Variants in THSD7A observed in about 807,000 individuals in gnomAD.
THSD7A encodes the protein thrombospondin type-1 domain-containing protein 7A.
Under a neutral mutation model 231.3 loss-of-function variants are expected in THSD7A, and 96 were observed. The ratio of observed to expected loss-of-function variants is 0.41; its 90% CI spans 0.35 to 0.49. The LOEUF (loss-of-function observed/expected upper bound fraction) is 0.49, where lower values mean the gene tolerates loss of function less well. Ranked by LOEUF, THSD7A falls within the 20% of genes least tolerant of loss-of-function variation. The pLI, the probability that THSD7A is intolerant of heterozygous loss-of-function variation, is 0.05. For missense variants in THSD7A, 2,290 were observed against 2,070.2 expected (o/e 1.11, Z -2.06); for synonymous variants, 940 against 743.3 (o/e 1.26, Z -4.30).
At chr7:11,398,379 C>T (rs1466945934) in intron 23 of THSD7A, among the ~76,000 whole-genome samples, 1 of 151,818 alleles carries the variant, frequency 6.6e-6, no homozygotes, top group African/African-American at 2.4e-5. Context: ...CACACTGGGG[C>T]CTGTCGAGGG....
At chr7:11,692,821 A>G (rs1322928588) in intron 1 of THSD7A, among the ~76,000 whole-genome samples, 3 of 151,578 alleles carry the variant, frequency 2.0e-5, no homozygotes, top group Admixed American at 1.3e-4. Flanking sequence ...CTTACTAAAA[A>G]TAATAATTAT....
chr7:11,540,497 C>T (rs1047057832), intron 6 of THSD7A, among the ~76,000 whole-genome samples: 1 of 152,228 alleles, frequency 6.6e-6, no homozygotes, highest in Admixed American at 6.5e-5. Context: ...GGTGTTTCTG[C>T]ACATGCTGTA....
intron 1 of THSD7A, among the ~76,000 whole-genome samples, chr7:11,639,675 AT>A (rs1392823274): frequency 6.8e-6 from 1 of 146,444 alleles, no homozygotes; most frequent in South Asian, 2.1e-4. Context: ...CTCAAAAAAA[AT>A]AATAATAATA....
chr7:11,603,984 T>A (rs1780648331), intron 2 of THSD7A, among the ~76,000 whole-genome samples: 1 of 151,052 alleles, frequency 6.6e-6, no homozygotes, highest in Non-Finnish European at 1.5e-5. Context: ...CATATGTAAC[T>A]AATCTGCACA....
intron 23 of THSD7A, among the ~76,000 whole-genome samples, chr7:11,388,373 C>A (rs1562568642): frequency 6.6e-6 from 1 of 151,500 alleles, no homozygotes; most frequent in Non-Finnish European, 1.5e-5. Flanking sequence ...AATTTTAGAA[C>A]TTGTCGTCTA....
chr7:11,638,540 T>C (rs138412083), intron 1 of THSD7A, among the ~76,000 whole-genome samples: 14 of 152,326 alleles, frequency 9.2e-5, no homozygotes, highest in Middle Eastern at 3.4e-3. Flanking sequence ...GAGTTGTAAA[T>C]AGAATAGAGA....
Position 11,551,151 on chromosome 7 carries a change from T to C in THSD7A, c.1454-8034A>G, listed in dbSNP as rs890959530. Among the ~76,000 whole-genome samples, 6 of 151,992 alleles carry C rather than the reference T, an allele frequency of 3.9e-5. No individual in the cohort carries two copies. In the East Asian group the frequency reaches 1.2e-3, roughly 29 times the overall value. On this transcript the variant is annotated intron_variant, in intron 4 of 27. Coordinates refer to ENST00000423059, the MANE Select transcript of THSD7A (RefSeq NM_015204.3). Reference sequence around the variant, plus strand: ...TAACTGGCTAGTCATATGCTGAAAATTGAAACTCTACCCCTTCCTTTCACC... The same window carrying C: ...TAACTGGCTAGTCATATGCTGAAAACTGAAACTCTACCCCTTCCTTTCACC...
At chr7:11,431,947 A>C (rs931591501) in intron 13 of THSD7A, among the ~76,000 whole-genome samples, 2 of 152,112 alleles carry the variant, frequency 1.3e-5, no homozygotes. Context: ...TTTAAAAAGA[A>C]CCTACCAACA....
intron 1 of THSD7A, among the ~76,000 whole-genome samples, chr7:11,704,394 T>TCATGTAGAAGGTATAATTTAAGTGA (rs1780697575): frequency 6.6e-6 from 1 of 150,848 alleles, no homozygotes; most frequent in African/African-American, 2.4e-5. Flanking sequence ...TCTTCCTGAG[T>TCATGTAGAAGGTATAATTTAAGTGA]CATGTAGAAG....
intron 1 of THSD7A, among the ~76,000 whole-genome samples, chr7:11,779,002 G>A (rs1418679536): frequency 6.6e-6 from 1 of 151,934 alleles, no homozygotes; most frequent in Non-Finnish European, 1.5e-5. Flanking sequence ...AACATAATTG[G>A]TATCATTAAC....
At chr7:11,537,367 C>A (rs112151909) in intron 6 of THSD7A, among the ~76,000 whole-genome samples, 1 of 152,138 alleles carries the variant, frequency 6.6e-6, no homozygotes, top group Non-Finnish European at 1.5e-5. Context: ...TTGGAGGTGG[C>A]GTCTGGTGGG....
At chr7:11,480,089 G>A (rs1786360504) in intron 7 of THSD7A, among the ~76,000 whole-genome samples, 1 of 152,054 alleles carries the variant, frequency 6.6e-6, no homozygotes, top group African/African-American at 2.4e-5. Context: ...TTGAATTAAT[G>A]CCCTTATGAT....
chr7:11,615,224 G>A (rs1781065134), intron 2 of THSD7A, among the ~76,000 whole-genome samples: 5 of 152,162 alleles, frequency 3.3e-5, no homozygotes. Flanking sequence ...ATGCAACCAA[G>A]GGACATGATC....
rs1783904416 is a variant in THSD7A at position 11,790,101 on chromosome 7, A to G, written c.190+41656T>C. Among the ~76,000 whole-genome samples, 3 of 152,060 alleles carry G rather than the reference A, an allele frequency of 2.0e-5. No individual in the cohort carries two copies. The South Asian group carries it at 6.2e-4, about 32-fold the overall frequency. ...AAAAGACATACTTTTTGAGGTTAAA[A>G]AAGAACAAATTAAGTATTAATTTCA... On this transcript the variant is annotated intron_variant, in intron 1 of 27. Coordinates refer to ENST00000423059, the MANE Select transcript of THSD7A (RefSeq NM_015204.3).
chr7:11,408,428 G>A (rs945226081), intron 19 of THSD7A, among the ~76,000 whole-genome samples: 2 of 151,582 alleles, frequency 1.3e-5, no homozygotes, highest in Non-Finnish European at 2.9e-5. Context: ...AACCCAGGAC[G>A]TGGAGGTTGC....
intron 4 of THSD7A, among the ~76,000 whole-genome samples, chr7:11,549,871 A>C (rs1463145566): frequency 6.6e-6 from 1 of 152,026 alleles, no homozygotes; most frequent in African/African-American, 2.4e-5. Context: ...CATGGCACAC[A>C]TTTGCCTATG....
intron 1 of THSD7A, among the ~76,000 whole-genome samples, chr7:11,723,062 G>C (rs572609238): frequency 2.0e-5 from 3 of 152,002 alleles, no homozygotes; most frequent in Admixed American, 2.0e-4. Flanking sequence ...CAGTAGCAAA[G>C]ACATGGAACC....
intron 4 of THSD7A, among the ~76,000 whole-genome samples, chr7:11,580,560 G>T (rs1562739921): frequency 2.0e-5 from 3 of 152,244 alleles, no homozygotes; most frequent in East Asian, 1.9e-4. Flanking sequence ...GCCATTAAAA[G>T]AATGAAATCA....
At chr7:11,417,799 A>G (rs1021405642) in intron 16 of THSD7A, among the ~76,000 whole-genome samples, 196 bp from the exon 17 acceptor site, 28 of 152,150 alleles carry the variant, frequency 1.8e-4, no homozygotes, top group African/African-American at 6.0e-4. Context: ...TGCCTCTCCT[A>G]AATATCTGTA....
Sources: allele counts gnomAD v4.1 joint callset (sites outside exome capture counted in the v4.1 genomes callset), GRCh38; gene constraint gnomAD v4.1.1; transcripts MANE v1.5; gene names NCBI Gene and HGNC (gene_info 2026-07-23, HGNC 2026-07-21).